TRPM2: variants seen among roughly 807,000 people sequenced by gnomAD.
TRPM2 encodes transient receptor potential cation channel subfamily M member 2, also known as estrogen-responsive element-associated gene 1 protein.
TRPM2 carries 161 observed loss-of-function variants against 174.0 expected under a neutral mutation model. The ratio of observed to expected loss-of-function variants is 0.93; its 90% CI spans 0.81 to 1.05. The LOEUF is 1.05. TRPM2 is among the 50% of genes least tolerant of loss of function. TRPM2 has a pLI of 0.00. For missense variants in TRPM2, 2,057 were observed against 2,038.0 expected (o/e 1.01, Z -0.18); for synonymous variants, 954 against 861.3 (o/e 1.11, Z -1.88).
intron 27 of TRPM2, among the ~76,000 whole-genome samples, chr21:44,431,338 T>C (rs1356214863): frequency 6.6e-6 from 1 of 151,964 alleles, no homozygotes; most frequent in African/African-American, 2.4e-5. Context: ...GAGGTCTTGC[T>C]CTATTGCCCA....
intron 9 of TRPM2, among the ~76,000 whole-genome samples, chr21:44,386,653 A>C (rs979286343): frequency 3.9e-5 from 6 of 152,224 alleles, no homozygotes; most frequent in African/African-American, 1.2e-4. Context: ...TAATATTGTT[A>C]AGATGTCAGT....
chr21:44,403,003 G>A lies in TRPM2; in HGVS notation c.2538+1106G>A, dbSNP rs559775872. 1.2e-3 allele frequency among the ~76,000 whole-genome samples: 182 copies of A among 152,288 alleles called. 1 individual carries two copies. Among genetic ancestry groups the A allele is most frequent in the Non-Finnish European group, 1.5e-3 (99 of 68,012 alleles). ...CCTGGGGGAGGCACCGGCGTCCCCA[G>A]GAAGGAAGATCAGGTCCAGGACTTG... On this transcript the variant is annotated intron_variant, in intron 16 of 31. Coordinates refer to ENST00000397928, the MANE Select transcript of TRPM2 (RefSeq NM_003307.4).
At chr21:44,435,088 C>T in intron 27 of TRPM2, 43 bp from the exon 28 acceptor site, 1 of 1,588,264 alleles carries the variant, frequency 6.3e-7, no homozygotes, top group Non-Finnish European at 8.6e-7. Context: ...TCCTGCTCCC[C>T]CATTGGTGGA....
intron 16 of TRPM2, among the ~76,000 whole-genome samples, chr21:44,402,503 A>G (rs373745570): frequency 1.5e-3 from 225 of 152,182 alleles, no homozygotes; most frequent in African/African-American, 5.3e-3. Context: ...CTTGGTGTCT[A>G]CTGGAGGTCA....
chr21:44,379,145 A>G lies in TRPM2; in HGVS notation c.1163A>G (p.Gln388Arg). Residue 388 changes from glutamine (Q) to arginine (R), a missense_variant, in exon 8 of 32, where the codon CAG becomes CGG. Gln to Arg is a conservative substitution (Grantham distance 43). Transcript: ENST00000397928. ...CAGCAGAAACTGAGCGTGTTCTTCC[A>G]GGAGATGTTTGAGACCTTCACGGAA... is the stretch of plus-strand genomic sequence containing the variant. ...LIQQKLSVFF[Q>R]EMFETFTESR... 6.2e-7 allele frequency: 1 copy of G among 1,613,622 alleles called. No individual in the cohort carries two copies. The highest frequency in any genetic ancestry group is 1.3e-5 in the African/African-American group (1 of 75,060).
At position 44,418,476 on chromosome 21, in the gene TRPM2, C is replaced by T. The variant is rs754429525; in HGVS notation, c.3382C>T (p.Leu1128=). The T allele has an allele frequency of 6.2e-7, 1 of 1,614,112 alleles. No individual in the cohort carries two copies. Residue 1128 remains leucine (L), a synonymous_variant, in exon 22 of 32, where the codon CTG becomes TTG. Coordinates refer to ENST00000397928, the MANE Select transcript of TRPM2 (RefSeq NM_003307.4). Reference sequence around the variant, plus strand: ...GGCCCTGCTATCCTGGGAGATCTACCTGAAGGAGAACTACCTCCAGAACCG... The same window carrying T: ...GGCCCTGCTATCCTGGGAGATCTACTTGAAGGAGAACTACCTCCAGAACCG... ...EAALLSWEIY[L]KENYLQNRQF... is the part of the protein sequence containing the mutation.
Position 44,364,282 on chromosome 21 carries a change from G to A in TRPM2, c.423G>A (p.Lys141=), listed in dbSNP as rs754597533. Residue 141 remains lysine, a splice_region_variant and synonymous_variant, in exon 3 of 32, where the codon AAG becomes AAA. Coordinates refer to ENST00000397928, the MANE Select transcript of TRPM2 (RefSeq NM_003307.4). The part of the protein sequence containing the change: ...VFTGLSQKVK[K]YVRVSQDTPS... ...CGGGCCTGAGCCAGAAGGTGAAAAA[G>A]GTTGGTTTCCATCACTCTCGCTCTG... 2.5e-6 allele frequency: 4 copies of A among 1,614,070 alleles called. No individual in the cohort carries two copies. The highest frequency in any genetic ancestry group is 3.4e-6 in the Non-Finnish European group (4 of 1,179,958).
chr21:44,398,206 G>GTTTTTTTTTTTTTTTTTTTTTTTT (rs34051764), intron 13 of TRPM2, among the ~76,000 whole-genome samples: 1 of 144,732 alleles, frequency 6.9e-6, no homozygotes, highest in African/African-American at 2.7e-5. Flanking sequence ...TTTGGAGACT[G>GTTTTTTTTTTTTTTTTTTTTTTTT]TTTTTTTTTT....
chr21:44,418,283 C>T, intron 21 of TRPM2, 140 bp from the exon 22 acceptor site: 1 of 1,389,694 alleles, frequency 7.2e-7, no homozygotes, highest in South Asian at 1.4e-5. Context: ...CCAGAGGCCC[C>T]CTTGGGGGCA....
rs753399004 is a variant in TRPM2 at position 44,414,053 on chromosome 21, A to G, written c.3125A>G (p.Asn1042Ser). The G allele has an allele frequency of 5.6e-6, 9 of 1,598,688 alleles. No homozygotes were observed. The highest frequency in any genetic ancestry group is 2.6e-6 in the Non-Finnish European group (3 of 1,173,060). ...YLLFTNILLL[N>S]LLIAMFNYTF... Reference sequence around the variant, plus strand: ...CTCTTCACCAACATCCTGCTGCTCAACCTCCTCATCGCCATGTTCAAGTGA... The same window carrying G: ...CTCTTCACCAACATCCTGCTGCTCAGCCTCCTCATCGCCATGTTCAAGTGA... The change falls in exon 20 of 32, where the codon AAC (asparagine) becomes AGC (serine). Residue 1042 changes from asparagine to serine, a missense_variant. Asn to Ser is a conservative substitution (Grantham distance 46). Transcript: ENST00000397928.
At position 44,405,370 on chromosome 21, in the gene TRPM2, G is replaced by C. The variant is rs552576413; in HGVS notation, c.2657+110G>C. On this transcript the variant is annotated intron_variant, in intron 17 of 31. Coordinates refer to ENST00000397928, the MANE Select transcript of TRPM2 (RefSeq NM_003307.4). ...ACACCGGGTGAGGCTCAGCTCGTCT[G>C]TGAACCCTGGATTGTCATCTGTCCA... 2.5e-5 allele frequency: 38 copies of C among 1,497,920 alleles called. No individual in the cohort carries two copies. The African/African-American group carries it at 2.8e-4, about 11-fold the overall frequency. 92.8% of individuals were successfully genotyped at this position (1,497,920 alleles called of 1,614,324 possible). A position where few individuals can be genotyped will look rare whatever the true frequency, so the allele number is the denominator to read the frequency against.
intron 4 of TRPM2, among the ~76,000 whole-genome samples, chr21:44,368,420 T>A (rs1042464313): frequency 2.7e-5 from 4 of 149,332 alleles, no homozygotes; most frequent in African/African-American, 9.9e-5. Context: ...TGGCTGTTTT[T>A]TTTATTTTTT....
At position 44,406,041 on chromosome 21, in the gene TRPM2, AG is replaced by A; in HGVS notation, c.2790+9del. 1 of 1,604,716 alleles carries A rather than the reference AG, an allele frequency of 6.2e-7. No homozygotes were observed. On this transcript the variant is annotated splice_donor_5th_base_variant and intron_variant, in intron 18 of 31. Transcript: ENST00000397928. ...GATCATCATTGTGAAGCGGATGGTA[AG>A]GGGGCGGGGGCACCGGCTCCATCGC...
intron 28 of TRPM2, among the ~76,000 whole-genome samples, chr21:44,435,679 C>T (rs1406651083): frequency 6.8e-6 from 1 of 146,500 alleles, no homozygotes; most frequent in Non-Finnish European, 1.5e-5. Context: ...GGACAGAGCC[C>T]CACACTCACC....
chr21:44,396,852 A>G lies in TRPM2; in HGVS notation c.1933-895A>G, dbSNP rs551311925. Among the ~76,000 whole-genome samples the G allele has an allele frequency of 7.3e-4, 10 of 13,644 alleles. No individual in the cohort carries two copies. In the East Asian group the frequency reaches 0.011, roughly 14 times the overall value. The allele number at this position is 13,644 out of a possible 152,430, so 9.0% of individuals were successfully genotyped here. A position where few individuals can be genotyped will look rare whatever the true frequency, so the allele number is the denominator to read the frequency against. ...GGAGGCTGTGGAGGGGTGTGGAGGGATGTGGAGGGGTGTGGAGGGCTGTGG... is the reference window on the plus strand; with the variant it reads ...GGAGGCTGTGGAGGGGTGTGGAGGGGTGTGGAGGGGTGTGGAGGGCTGTGG... On this transcript the variant is annotated intron_variant, in intron 12 of 31. Transcript: ENST00000397928.
At chr21:44,371,164 G>A (rs768847816) in intron 5 of TRPM2, among the ~76,000 whole-genome samples, 3 of 152,194 alleles carry the variant, frequency 2.0e-5, no homozygotes, top group Non-Finnish European at 4.4e-5. Context: ...TGCCTCCAGC[G>A]TCTGGGTGCT....
intron 22 of TRPM2, among the ~76,000 whole-genome samples, chr21:44,419,570 G>A (rs1433927111): frequency 2.7e-5 from 4 of 148,714 alleles, no homozygotes; most frequent in Non-Finnish European, 6.0e-5. Context: ...GATGGTGGTG[G>A]TGGTGATGGT....
At chr21:44,358,745 C>T (rs975023174) in intron 2 of TRPM2, among the ~76,000 whole-genome samples, 16 of 152,142 alleles carry the variant, frequency 1.1e-4, no homozygotes, top group Admixed American at 2.6e-4. Flanking sequence ...CACCTCCGAC[C>T]CAGGTCTCTC....
At chr21:44,353,956 T>C (rs1602108341) in intron 1 of TRPM2, 91 bp downstream of exon 1, 1 of 1,468,928 alleles carries the variant, frequency 6.8e-7, no homozygotes, top group African/African-American at 1.5e-5. Context: ...ACGACGGGGG[T>C]GGGAAAGGGT....
Sources: allele counts gnomAD v4.1 joint callset (sites outside exome capture counted in the v4.1 genomes callset), GRCh38; gene constraint gnomAD v4.1.1; transcripts MANE v1.5; gene names NCBI Gene and HGNC (gene_info 2026-07-23, HGNC 2026-07-21).